Variants in CORIN observed in about 807,000 individuals in gnomAD.
CORIN encodes the protein corin, serine peptidase.
A neutral mutation model predicts 125.3 loss-of-function variants in CORIN; 117 were observed. The ratio of observed to expected loss-of-function variants is 0.93; its 90% CI spans 0.80 to 1.09. The LOEUF (loss-of-function observed/expected upper bound fraction) is 1.09. CORIN is among the 50% of genes least tolerant of loss of function. The pLI is 0.00. For synonymous variants in CORIN, 450 were observed against 466.4 expected (o/e 0.96, Z 0.45); for missense variants, 1,253 against 1,306.7 (o/e 0.96, Z 0.63).
At chr4:47,748,765 C>T (rs1227506304) in intron 4 of CORIN, among the ~76,000 whole-genome samples, 3 of 152,076 alleles carry the variant, frequency 2.0e-5, no homozygotes, top group Admixed American at 6.5e-5. Context: ...ACAAAGCAGG[C>T]TTATATGGTT....
intron 5 of CORIN, among the ~76,000 whole-genome samples, chr4:47,731,142 A>G (rs1018617933): frequency 6.6e-6 from 1 of 152,250 alleles, no homozygotes; most frequent in African/African-American, 2.4e-5. Flanking sequence ...GAACAACTGA[A>G]AGAACTACAT....
intron 3 of CORIN, among the ~76,000 whole-genome samples, chr4:47,764,493 C>A (rs1486123057): frequency 6.6e-6 from 1 of 152,178 alleles, no homozygotes; most frequent in African/African-American, 2.4e-5. Flanking sequence ...TATAAAGATT[C>A]ATTGCTTTTA....
intron 21 of CORIN, among the ~76,000 whole-genome samples, chr4:47,599,574 G>A (rs1721372021): frequency 6.6e-6 from 1 of 152,062 alleles, no homozygotes; most frequent in Admixed American, 6.6e-5. Context: ...TGTTCGATGT[G>A]TGTCTATTAA....
At chr4:47,805,157 T>G (rs200932182) in intron 2 of CORIN, among the ~76,000 whole-genome samples, 1 of 146,650 alleles carries the variant, frequency 6.8e-6, no homozygotes, top group Admixed American at 6.8e-5. Context: ...AAAATAATAA[T>G]AATAATAATA....
intron 20 of CORIN, among the ~76,000 whole-genome samples, chr4:47,603,136 C>T (rs770407319): frequency 5.3e-5 from 8 of 152,038 alleles, no homozygotes; most frequent in Non-Finnish European, 1.0e-4. Flanking sequence ...ACATGGGGGG[C>T]AGTTACCCTC....
At chr4:47,673,981 G>A (rs1303923210) in intron 10 of CORIN, among the ~76,000 whole-genome samples, 2 of 152,042 alleles carry the variant, frequency 1.3e-5, no homozygotes, top group African/African-American at 4.8e-5. Context: ...AAAAAAAACA[G>A]AACAGATTGC....
chr4:47,747,510 T>TATTTCATTTC (rs57541844), intron 4 of CORIN, among the ~76,000 whole-genome samples: 6 of 152,128 alleles, frequency 3.9e-5, no homozygotes, highest in African/African-American at 1.2e-4. Context: ...TATTTTATTT[T>TATTTCATTTC]ATTTCATTTC....
At position 47,734,376 on chromosome 4, in the gene CORIN, C is replaced by T. The variant is rs577312399; in HGVS notation, c.799+10026G>A. 3.2e-4 allele frequency among the ~76,000 whole-genome samples: 48 copies of T among 152,298 alleles called. 1 individual carries two copies. The South Asian group carries it at 9.3e-3, about 30-fold the overall frequency. Reference sequence around the variant, plus strand: ...GGCTAATTAGGAACCTGACACCCAACGCAAGTCCACAGTGCCGAATATCTT... The same window carrying T: ...GGCTAATTAGGAACCTGACACCCAATGCAAGTCCACAGTGCCGAATATCTT... On this transcript the variant is annotated intron_variant, in intron 5 of 21. Coordinates refer to ENST00000273857, the MANE Select transcript of CORIN (RefSeq NM_006587.4).
intron 4 of CORIN, among the ~76,000 whole-genome samples, chr4:47,760,908 C>G (rs1729417354): frequency 6.6e-6 from 1 of 152,200 alleles, no homozygotes; most frequent in Non-Finnish European, 1.5e-5. Flanking sequence ...GAGATGGTTT[C>G]TTTCCTTAAA....
chr4:47,661,696 A>T lies in CORIN; in HGVS notation c.1735+15T>A. ...CCATGTTAGATACCCTGCTGTAATTAATTTTAAAATTAACCTTCCACATAT... is the reference window on the plus strand; with the variant it reads ...CCATGTTAGATACCCTGCTGTAATTTATTTTAAAATTAACCTTCCACATAT... On this transcript the variant is annotated intron_variant, in intron 12 of 21. Transcript: ENST00000273857. 6.3e-7 allele frequency: 1 copy of T among 1,599,484 alleles called. No homozygotes were observed. Among genetic ancestry groups the T allele is most frequent in the South Asian group, 1.1e-5 (1 of 89,392 alleles).
In CORIN at chr4:47,708,237, T is replaced by A. The variant is rs963344662; in HGVS notation, c.800-15154A>T. The stretch of plus-strand genomic sequence containing the variant: ...CTGGAAGTCAAAAGTCCAACAGGGG[T>A]CTCACTGGGATAAAATCAAGGTGTT... On this transcript the variant is annotated intron_variant, in intron 5 of 21. Transcript: ENST00000273857. Among the ~76,000 whole-genome samples the A allele has an allele frequency of 4.6e-5, 7 of 152,244 alleles. No homozygotes were observed. In the East Asian group the frequency reaches 1.2e-3, roughly 25 times the overall value.
At chr4:47,756,178 G>C (rs1166295616) in intron 4 of CORIN, among the ~76,000 whole-genome samples, 1 of 152,170 alleles carries the variant, frequency 6.6e-6, no homozygotes, top group Non-Finnish European at 1.5e-5. Flanking sequence ...TTAGTGTGAG[G>C]AGAAAGATAC....
chr4:47,786,818 T>C lies in CORIN; in HGVS notation c.316A>G (p.Ser106Gly), dbSNP rs1445541380. The C allele has an allele frequency of 6.2e-7, 1 of 1,614,002 alleles. No homozygotes were observed. The highest frequency in any genetic ancestry group is 2.2e-5 in the East Asian group (1 of 44,894). ...GGATGTGCAGTAGACACCACAGTGC[T>C]CTGGTTATAAATTGTATTTGTAAGA... is the stretch of plus-strand genomic sequence containing the variant. ...VILTNTIYNQ[S>G]TVVSTAHPDQ... The change falls in exon 3 of 22, where the codon AGC (serine) becomes GGC (glycine). Residue 106 changes from serine (S) to glycine (G), a missense_variant. Physicochemically the swap from Ser to Gly is moderately conservative, Grantham distance 56 (BLOSUM62 0). Transcript: ENST00000273857.
At chr4:47,778,777 G>A (rs538498788) in intron 3 of CORIN, among the ~76,000 whole-genome samples, 2 of 152,252 alleles carry the variant, frequency 1.3e-5, no homozygotes, top group Admixed American at 6.5e-5. Context: ...CCTGAACAAT[G>A]GGGGTCTAAC....
chr4:47,762,049 C>T (rs1313635978), intron 4 of CORIN, among the ~76,000 whole-genome samples: 3 of 151,830 alleles, frequency 2.0e-5, no homozygotes, highest in South Asian at 2.1e-4. Context: ...CACATGTATA[C>T]ACACATATAT....
At chr4:47,806,460 A>C (rs1731800048) in intron 2 of CORIN, among the ~76,000 whole-genome samples, 1 of 152,112 alleles carries the variant, frequency 6.6e-6, no homozygotes, top group South Asian at 2.1e-4. Context: ...TTCTAACCTA[A>C]ATTTCTATTA....
rs1553905852 is a variant in CORIN at position 47,632,719 on chromosome 4, A to AATAGATGATAGATAG, written c.2199-6213_2199-6199dup. Among the ~76,000 whole-genome samples, 29 of 120,862 alleles carry AATAGATGATAGATAG rather than the reference A, an allele frequency of 2.4e-4. 1 individual carries two copies. Among genetic ancestry groups the AATAGATGATAGATAG allele is most frequent in the Non-Finnish European group, 2.9e-4 (16 of 55,390 alleles). The allele number at this position is 120,862 out of a possible 152,430, so 79.3% of individuals were successfully genotyped here. On this transcript the variant is annotated intron_variant, in intron 16 of 21. Transcript: ENST00000273857. The stretch of plus-strand genomic sequence containing the variant: ...ACTTTTTATTGCAATCCTAACTGAC[A>AATAGATGATAGATAG]ATAGATGATAGATAGATAGATAGAT...
rs147081313 is a variant in CORIN, at chr4:47,777,491, C to T, written c.409+9234G>A. On this transcript the variant is annotated intron_variant, in intron 3 of 21. Coordinates refer to ENST00000273857, the MANE Select transcript of CORIN (RefSeq NM_006587.4). ...ACTAAAAATACAAAAATTAGCTAAG[C>T]GTGGTGGCACACACCTGTTATCCCA... Among the ~76,000 whole-genome samples, 1,025 of 152,138 alleles carry T rather than the reference C, an allele frequency of 6.7e-3. 11 individuals carry two copies. Among genetic ancestry groups the T allele is most frequent in the African/African-American group, 0.023 (965 of 41,494 alleles).
intron 5 of CORIN, among the ~76,000 whole-genome samples, chr4:47,713,083 A>G (rs1323264122): frequency 6.6e-6 from 1 of 152,224 alleles, no homozygotes; most frequent in African/African-American, 2.4e-5. Context: ...GAAAAAAATT[A>G]GAAGAATAGA....
Sources: gnomAD v4.1 joint callset for allele counts (sites outside exome capture counted in the v4.1 genomes callset) on GRCh38, gnomAD v4.1.1 for gene constraint, MANE v1.5 for transcripts, NCBI Gene and HGNC (gene_info 2026-07-23, HGNC 2026-07-21) for gene names.